Variants in PCDHGB1 observed in about 807,000 individuals in gnomAD.
The protein encoded by PCDHGB1 is protocadherin gamma subfamily B, 1.
PCDHGB1 carries 34 observed loss-of-function variants against 56.6 expected under a neutral mutation model. That is an observed-to-expected ratio of 0.60 (90% CI 0.46 to 0.80). The LOEUF is 0.80. PCDHGB1 is among the 30% of genes least tolerant of loss of function. The pLI is 0.00. For missense variants in PCDHGB1, 1,278 were observed against 1,204.6 expected, an observed-to-expected ratio of 1.06 and a Z score of -0.90; for synonymous variants, 561 against 505.9, an observed-to-expected ratio of 1.11 and a Z score of -1.46.
At position 141,350,682 on chromosome 5, in the gene PCDHGB1, A is replaced by T. The variant is rs758070807; in HGVS notation, c.422A>T (p.Glu141Val). Residue 141 changes from glutamate to valine, a missense_variant, in exon 1 of 4, where the codon GAG becomes GTG. Transcript: ENST00000523390. ...VAKGIDLEIC[E>V]SALPGVKFSL... ...AAAGGCATTGACTTAGAAATTTGTG[A>T]GTCAGCCTTACCCGGGGTAAAATTC... The T allele has an allele frequency of 1.1e-5, 17 of 1,613,888 alleles. No homozygotes were observed. Among genetic ancestry groups the T allele is most frequent in the Non-Finnish European group, 1.4e-5 (17 of 1,179,910 alleles).
chr5:141,385,267 T>G lies in PCDHGB1; in HGVS notation c.2409+32598T>G, dbSNP rs965746690. On this transcript the variant is annotated intron_variant, in intron 1 of 3. Transcript: ENST00000523390. ...CCAGGAGAGCTGTGAGAAAAATGAT[T>G]CTTTGCTAACATCCGTAGATTTTCA... 10 of 1,614,058 alleles carry G rather than the reference T, an allele frequency of 6.2e-6. No individual in the cohort carries two copies. In the African/African-American group the frequency reaches 1.2e-4, roughly 19 times the overall value.
chr5:141,393,553 A>T (rs377510269), intron 1 of PCDHGB1: 1 of 1,613,928 alleles, frequency 6.2e-7, no homozygotes, highest in African/African-American at 1.3e-5. Context: ...CACCCGATTT[A>T]CCGAGTGAAA....
chr5:141,413,600 T>C lies in PCDHGB1; in HGVS notation c.2409+60931T>C, dbSNP rs767830855. The C allele has an allele frequency of 3.7e-6, 6 of 1,613,868 alleles. No individual in the cohort carries two copies. The Admixed American group carries it at 8.3e-5, about 22-fold the overall frequency. Reference sequence around the variant, plus strand: ...GCTCCAAAATTCCAAGCAGAAAATCTAGACGTAAAAATTAATGAAAATGTC... The same window carrying C: ...GCTCCAAAATTCCAAGCAGAAAATCCAGACGTAAAAATTAATGAAAATGTC... On this transcript the variant is annotated intron_variant, in intron 1 of 3. Transcript: ENST00000523390.
intron 1 of PCDHGB1, among the ~76,000 whole-genome samples, chr5:141,402,590 A>G (rs1379327637): frequency 6.6e-6 from 1 of 152,238 alleles, no homozygotes; most frequent in Admixed American, 6.5e-5. Flanking sequence ...TAAAAAATAG[A>G]TTGCTTTTGA....
intron 1 of PCDHGB1, chr5:141,394,156 AC>A (rs2092929687): frequency 6.2e-7 from 1 of 1,613,556 alleles, no homozygotes; most frequent in Admixed American, 1.7e-5. Flanking sequence ...ATTAACGACA[AC>A]CCTCCTACTT....
At chr5:141,450,829 A>ATTAT (rs1554136902) in intron 1 of PCDHGB1, among the ~76,000 whole-genome samples, 14 of 135,142 alleles carry the variant, frequency 1.0e-4, no homozygotes, top group African/African-American at 3.3e-4. Context: ...TATTATTATT[A>ATTAT]TTTTTTTTTT....
At position 141,400,743 on chromosome 5, in the gene PCDHGB1, C is replaced by T. The variant is rs1404866842; in HGVS notation, c.2409+48074C>T. 6.5e-6 allele frequency: 4 copies of T among 611,214 alleles called. No individual in the cohort carries two copies. In the East Asian group the frequency reaches 1.1e-4, roughly 17 times the overall value. 37.9% of individuals were successfully genotyped at this position (611,214 alleles called of 1,614,324 possible). A position where few individuals can be genotyped will look rare whatever the true frequency, so the allele number is the denominator to read the frequency against. On this transcript the variant is annotated intron_variant, in intron 1 of 3. Coordinates refer to ENST00000523390, the MANE Select transcript of PCDHGB1 (RefSeq NM_018922.3). ...ATTTACAAAGTAGTGAGAGTTTGCTCTTAGCTTCCTCTCTAGCAAAAACAT... is the reference window on the plus strand; with the variant it reads ...ATTTACAAAGTAGTGAGAGTTTGCTTTTAGCTTCCTCTCTAGCAAAAACAT...
intron 1 of PCDHGB1, chr5:141,372,327 A>G (rs1768669184): frequency 3.7e-6 from 6 of 1,613,586 alleles, no homozygotes; most frequent in Admixed American, 1.7e-5. Flanking sequence ...CCTGCTGGTC[A>G]CTGTGCGTGA....
At chr5:141,472,022 T>C (rs949257396) in intron 1 of PCDHGB1, among the ~76,000 whole-genome samples, 1 of 152,176 alleles carries the variant, frequency 6.6e-6, no homozygotes, top group Non-Finnish European at 1.5e-5. Flanking sequence ...CTATATTGTA[T>C]GTAGAAAGCT....
intron 1 of PCDHGB1, among the ~76,000 whole-genome samples, chr5:141,458,339 T>A (rs1380637284): frequency 2.0e-5 from 3 of 150,846 alleles, no homozygotes; most frequent in Non-Finnish European, 3.0e-5. Context: ...TTTTAAGGAG[T>A]GGAGAGTTTA....
At chr5:141,413,820 C>T in intron 1 of PCDHGB1, 1 of 1,613,204 alleles carries the variant, frequency 6.2e-7, no homozygotes, top group Non-Finnish European at 8.5e-7. Flanking sequence ...ACCACCTGGT[C>T]CTCACCGCCT....
chr5:141,434,889 A>C (rs1213631251), intron 1 of PCDHGB1, among the ~76,000 whole-genome samples: 2 of 151,512 alleles, frequency 1.3e-5, no homozygotes, highest in African/African-American at 4.8e-5. Context: ...ACAACAATCC[A>C]GTCCCCTTCC....
chr5:141,400,630 A>G, intron 1 of PCDHGB1: 8 of 1,394,666 alleles, frequency 5.7e-6, no homozygotes, highest in East Asian at 2.3e-5. Flanking sequence ...TAGGGAAGTC[A>G]GAGCTGCTCA....
chr5:141,384,471 G>T lies in PCDHGB1; in HGVS notation c.2409+31802G>T, dbSNP rs200621761. On this transcript the variant is annotated intron_variant, in intron 1 of 3. Coordinates refer to ENST00000523390, the MANE Select transcript of PCDHGB1 (RefSeq NM_018922.3). ...CGCTGCAATCCTTTGATTATGAGCA[G>T]TTGAGAGAACTACAACTAAGAGTGA... The T allele has an allele frequency of 1.4e-4, 226 of 1,614,000 alleles. No homozygotes were observed. The highest frequency in any genetic ancestry group is 4.2e-4 in the Admixed American group (25 of 60,010).
chr5:141,410,617 T>A, intron 1 of PCDHGB1: 2 of 1,603,978 alleles, frequency 1.2e-6, no homozygotes, highest in Non-Finnish European at 1.7e-6. Flanking sequence ...AGACTCTGAC[T>A]TCGGTGAGTT....
intron 1 of PCDHGB1, chr5:141,389,423 C>T: frequency 1.9e-6 from 3 of 1,613,516 alleles, no homozygotes; most frequent in Admixed American, 1.7e-5. Context: ...GGGTGGTGTT[C>T]GCGCAGCGCG....
chr5:141,361,173 A>G, intron 1 of PCDHGB1: 2 of 1,613,958 alleles, frequency 1.2e-6, no homozygotes. Context: ...GTGCACCTGA[A>G]GTTATTGTGA....
intron 1 of PCDHGB1, chr5:141,423,382 C>A (rs1244632347): frequency 6.2e-7 from 1 of 1,614,118 alleles, no homozygotes; most frequent in Admixed American, 1.7e-5. Context: ...CAGGCTGTGG[C>A]GCTGGCATAA....
chr5:141,383,510 A>G (rs1390731022), intron 1 of PCDHGB1: 1 of 1,612,804 alleles, frequency 6.2e-7, no homozygotes, highest in Admixed American at 1.7e-5. Context: ...GACCGGGAGG[A>G]AGAGCGGGTT....
Sources: gnomAD v4.1 joint callset for allele counts (sites outside exome capture counted in the v4.1 genomes callset) on GRCh38, gnomAD v4.1.1 for gene constraint, MANE v1.5 for transcripts, NCBI Gene and HGNC (gene_info 2026-07-23, HGNC 2026-07-21) for gene names.